RCAN2: variants seen among roughly 807,000 people sequenced by gnomAD.
RCAN2 encodes the protein calcipressin-2.
In RCAN2, 9 loss-of-function variants were observed where a neutral mutation model predicts 23.6. That is an observed-to-expected ratio of 0.38 (90% confidence interval 0.23 to 0.67). The LOEUF (loss-of-function observed/expected upper bound fraction) is 0.67, where lower values mean the gene tolerates loss of function less well. Among genes scored for constraint, RCAN2 ranks in the 30% least tolerant of loss-of-function variants. The pLI, the probability that RCAN2 is intolerant of heterozygous loss-of-function variation, is 0.51. For missense variants in RCAN2, 273 were observed against 302.3 expected, an observed-to-expected ratio of 0.90 and a Z score of 0.72; for synonymous variants, 109 against 115.7, an observed-to-expected ratio of 0.94 and a Z score of 0.37.
rs368924979 is a variant in RCAN2 at position 46,305,800 on chromosome 6, G to A, written c.226-56904C>T. 3.2e-4 allele frequency among the ~76,000 whole-genome samples: 48 copies of A among 152,026 alleles called. No individual in the cohort carries two copies. In the East Asian group the frequency reaches 7.2e-3, roughly 23 times the overall value. ...TGGTTCATGAGCTAGTCAAAGCACT[G>A]AACTTAGTTAAACCAATTTAACATA... On this transcript the variant is annotated intron_variant, in intron 2 of 4. Transcript: ENST00000371374.
chr6:46,228,613 T>C (rs923870792), intron 4 of RCAN2, among the ~76,000 whole-genome samples: 3 of 152,152 alleles, frequency 2.0e-5, no homozygotes, highest in African/African-American at 7.2e-5. Context: ...TTTTTTTTTG[T>C]TTTCTATTTG....
At chr6:46,271,491 C>T (rs111618364) in intron 2 of RCAN2, among the ~76,000 whole-genome samples, 2 of 152,196 alleles carry the variant, frequency 1.3e-5, no homozygotes, top group South Asian at 4.1e-4. Flanking sequence ...TTTGATCAAA[C>T]ATCTGAGCAC....
chr6:46,354,858 T>C (rs1163636190), intron 2 of RCAN2, among the ~76,000 whole-genome samples: 1 of 152,042 alleles, frequency 6.6e-6, no homozygotes, highest in Non-Finnish European at 1.5e-5. Flanking sequence ...TCTAATCTTC[T>C]AGAAAACCTG....
intron 2 of RCAN2, among the ~76,000 whole-genome samples, chr6:46,259,754 C>T (rs1767048334): frequency 6.6e-6 from 1 of 152,162 alleles, no homozygotes; most frequent in Non-Finnish European, 1.5e-5. Flanking sequence ...TTGCTTCTGA[C>T]CCACTAGTTA....
chr6:46,469,980 G>A (rs901707273), intron 1 of RCAN2, among the ~76,000 whole-genome samples: 4 of 152,118 alleles, frequency 2.6e-5, no homozygotes, highest in Non-Finnish European at 4.4e-5. Context: ...ACCGAACCTC[G>A]ATCTTGGACT....
Position 46,221,806 on chromosome 6 carries a change from G to C in RCAN2, c.*1335C>G. The C allele has an allele frequency of 2.5e-6, 1 of 397,026 alleles. No individual in the cohort carries two copies. The highest frequency in any genetic ancestry group is 4.4e-6 in the Non-Finnish European group (1 of 225,282). 24.6% of individuals were successfully genotyped at this position (397,026 alleles called of 1,614,324 possible). ...TCTAAAGTAATTCATTAATGTACAG[G>C]AGTAGATGAGGCCTGGCACACATAG... On this transcript the variant is annotated 3_prime_UTR_variant, in exon 5 of 5. Coordinates refer to ENST00000371374, the MANE Select transcript of RCAN2 (RefSeq NM_001251974.2).
chr6:46,388,923 C>G (rs1765850813), intron 2 of RCAN2, among the ~76,000 whole-genome samples: 1 of 152,052 alleles, frequency 6.6e-6, no homozygotes, highest in Admixed American at 6.6e-5. Context: ...TGTAACAAAC[C>G]TGCACGTACT....
At chr6:46,265,607 T>C (rs1403354740) in intron 2 of RCAN2, among the ~76,000 whole-genome samples, 1 of 152,136 alleles carries the variant, frequency 6.6e-6, no homozygotes, top group Non-Finnish European at 1.5e-5. Flanking sequence ...TCCTCTGAGT[T>C]AGTAATTCTG....
intron 2 of RCAN2, chr6:46,325,678 G>A: frequency 7.3e-7 from 1 of 1,374,384 alleles, no homozygotes; most frequent in Non-Finnish European, 9.4e-7. Flanking sequence ...GTAACGAACG[G>A]CCCGGCTCGC....
chr6:46,329,450 T>A (rs963068997), intron 2 of RCAN2, among the ~76,000 whole-genome samples: 8 of 152,150 alleles, frequency 5.3e-5, no homozygotes, highest in African/African-American at 1.7e-4. Flanking sequence ...AAAGCAGAGA[T>A]TTTTGCCTAT....
At chr6:46,318,402 G>A (rs568003498) in intron 2 of RCAN2, among the ~76,000 whole-genome samples, 2 of 152,174 alleles carry the variant, frequency 1.3e-5, no homozygotes, top group Non-Finnish European at 2.9e-5. Flanking sequence ...TTAAAAAAAA[G>A]TATAGTTCAG....
rs1235450596 is a variant in RCAN2 at position 46,248,872 on chromosome 6, T to A, written c.250A>T (p.Thr84Ser). Residue 84 changes from threonine (T) to serine (S), a missense_variant, in exon 3 of 5, where the codon ACT becomes TCT. Transcript: ENST00000371374. ...TGGAACGTCACACAGTCATCATAAG[T>A]CCGAAACAGTCCCTCAAATTTTTCC... ...SKEKFEGLFR[T>S]YDDCVTFQLF... The A allele has an allele frequency of 8.1e-6, 13 of 1,603,536 alleles. No individual in the cohort carries two copies. The highest frequency in any genetic ancestry group is 9.3e-6 in the Non-Finnish European group (11 of 1,176,598).
intron 2 of RCAN2, among the ~76,000 whole-genome samples, chr6:46,381,939 C>T (rs371716294): frequency 9.2e-5 from 14 of 152,160 alleles, no homozygotes; most frequent in African/African-American, 3.4e-4. Flanking sequence ...TCCAATATGT[C>T]GATAGATCAA....
chr6:46,299,387 G>A lies in RCAN2; in HGVS notation c.226-50491C>T, dbSNP rs114381847. 6.6e-3 allele frequency among the ~76,000 whole-genome samples: 1,001 copies of A among 152,134 alleles called. 12 individuals are homozygous for A. The highest frequency in any genetic ancestry group is 0.023 in the African/African-American group (941 of 41,540). ...TATAGTTCATGACAGAGAATTTAGT[G>A]CAGAGTTACTTTCAGCAGAGATGAC... On this transcript the variant is annotated intron_variant, in intron 2 of 4. Transcript: ENST00000371374.
chr6:46,244,553 T>C (rs778482520), intron 4 of RCAN2, among the ~76,000 whole-genome samples: 12 of 152,234 alleles, frequency 7.9e-5, no homozygotes, highest in Non-Finnish European at 1.8e-4. Flanking sequence ...ACATTCTTGA[T>C]AAAAATGATT....
At chr6:46,343,450 A>G (rs1164067483) in intron 2 of RCAN2, among the ~76,000 whole-genome samples, 1 of 146,774 alleles carries the variant, frequency 6.8e-6, no homozygotes, top group Non-Finnish European at 1.5e-5. Flanking sequence ...ATCTCAGCTC[A>G]CTGCAAGCTC....
At chr6:46,244,515 G>A (rs1766443648) in intron 4 of RCAN2, among the ~76,000 whole-genome samples, 1 of 152,190 alleles carries the variant, frequency 6.6e-6, no homozygotes, top group Non-Finnish European at 1.5e-5. Context: ...CAATCTTTGT[G>A]AATGCTGACA....
intron 2 of RCAN2, among the ~76,000 whole-genome samples, chr6:46,259,028 T>C (rs1356262154): frequency 6.6e-6 from 1 of 151,838 alleles, no homozygotes; most frequent in Non-Finnish European, 1.5e-5. Context: ...TAAGCACAGA[T>C]ATAAAAAATT....
intron 2 of RCAN2, among the ~76,000 whole-genome samples, chr6:46,393,943 G>C (rs189159321): frequency 6.6e-6 from 1 of 151,988 alleles, no homozygotes; most frequent in African/African-American, 2.4e-5. Context: ...CAACAAATCC[G>C]GCTCGGTTTC....
Sources: gnomAD v4.1 joint callset for allele counts (sites outside exome capture counted in the v4.1 genomes callset) on GRCh38, gnomAD v4.1.1 for gene constraint, MANE v1.5 for transcripts, NCBI Gene and HGNC (gene_info 2026-07-23, HGNC 2026-07-21) for gene names.